The following ZNF180 variants were observed in gnomAD, a reference collection of about 807,000 sequenced individuals.
ZNF180 encodes the protein zinc finger protein 180.
Under a neutral mutation model 11.8 loss-of-function variants are expected in ZNF180, and 11 were observed. The observed-to-expected ratio is 0.93, with a 90% CI of 0.59 to 1.55. The LOEUF (loss-of-function observed/expected upper bound fraction) is 1.55, where lower values mean the gene tolerates loss of function less well. Among genes scored for constraint, ZNF180 ranks in the 40% most tolerant of loss-of-function variants. The pLI is 0.00. For missense variants in ZNF180, 773 were observed against 781.7 expected (o/e 0.99, Z 0.13); for synonymous variants, 287 against 257.7 (o/e 1.11, Z -1.09).
chr19:44,477,312 A>C lies in ZNF180; in HGVS notation c.1088T>G (p.Phe363Cys). 6.2e-7 allele frequency: 1 copy of C among 1,612,330 alleles called. No individual in the cohort carries two copies. Among genetic ancestry groups the C allele is most frequent in the Non-Finnish European group, 8.5e-7 (1 of 1,178,746 alleles). Residue 363 changes from phenylalanine (F) to cysteine (C), a missense_variant, in exon 5 of 5, where the codon TTC becomes TGC. By Grantham distance (205) the Phe-to-Cys change is radical (BLOSUM62 -2). Coordinates refer to ENST00000592529, the MANE Select transcript of ZNF180 (RefSeq NM_001278509.3). ...GGAAACAAGGTGCGAGCTCCGGCTGAAGGATTTTCCACATTCACTACATTC... is the reference window on the plus strand; with the variant it reads ...GGAAACAAGGTGCGAGCTCCGGCTGCAGGATTTTCCACATTCACTACATTC... ...PYECSECGKS[F>C]SRSSHLVSHQ... is the part of the protein sequence containing the mutation.
At chr19:44,479,162 A>T in intron 4 of ZNF180, 121 bp downstream of exon 4, 1 of 1,207,298 alleles carries the variant, frequency 8.3e-7, no homozygotes, top group Non-Finnish European at 1.2e-6. Flanking sequence ...AATAAAGAGC[A>T]CAAACACAAT....
Position 44,476,415 on chromosome 19 carries a change from TAG to T in ZNF180, c.1983_1984del (p.Tyr662Ter), listed in dbSNP as rs759043445. 13 of 1,581,474 alleles carry T rather than the reference TAG, an allele frequency of 8.2e-6. No homozygotes were observed. Among genetic ancestry groups the T allele is most frequent in the Admixed American group, 3.7e-5 (2 of 54,080 alleles). ...CTGATTTACAAACTAGTTACATTCA[TAG>T]AGTTTCTCTTCAGTATGAGTTGCCT... On this transcript the variant is annotated frameshift_variant, in exon 5 of 5. Coordinates refer to ENST00000592529, the MANE Select transcript of ZNF180 (RefSeq NM_001278509.3). LOFTEE classifies it high-confidence loss of function.
rs1969805935 is a variant in ZNF180 at position 44,474,487 on chromosome 19, T to C, written c.*1915A>G. ...TTTCTAGGTCTCATCATAGCTCATA[T>C]ATAACACTCAAAACATCATTAAACC... On this transcript the variant is annotated 3_prime_UTR_variant, in exon 5 of 5. Transcript: ENST00000592529. The C allele has an allele frequency of 6.6e-6, 1 of 152,330 alleles. No homozygotes were observed. Among genetic ancestry groups the C allele is most frequent in the Non-Finnish European group, 1.5e-5 (1 of 68,026 alleles). The allele number at this position is 152,330 out of a possible 1,614,324, so 9.4% of individuals were successfully genotyped here.
intron 2 of ZNF180, among the ~76,000 whole-genome samples, chr19:44,490,774 CTAT>C (rs1970430825): frequency 7.2e-5 from 11 of 152,200 alleles, no homozygotes; most frequent in Admixed American, 7.2e-4. Flanking sequence ...ACTGCTAAAA[CTAT>C]TATACTTGCA....
At chr19:44,491,468 C>A (rs191053373) in intron 2 of ZNF180, among the ~76,000 whole-genome samples, 1 of 152,220 alleles carries the variant, frequency 6.6e-6, no homozygotes, top group Non-Finnish European at 1.5e-5. Flanking sequence ...CATCTTAGCT[C>A]CCTCAGTTTC....
At chr19:44,499,543 C>A (rs1011783277) in intron 1 of ZNF180, among the ~76,000 whole-genome samples, 1 of 152,144 alleles carries the variant, frequency 6.6e-6, no homozygotes, top group African/African-American at 2.4e-5. Flanking sequence ...CTACATAGGT[C>A]CCTACTATCA....
chr19:44,498,346 C>T (rs979988300), intron 1 of ZNF180, among the ~76,000 whole-genome samples: 10 of 152,140 alleles, frequency 6.6e-5, no homozygotes, highest in African/African-American at 2.4e-4. Context: ...TGCACTCCAT[C>T]TCTCCCACTT....
chr19:44,479,358 C>G lies in ZNF180; in HGVS notation c.178G>C (p.Gly60Arg), dbSNP rs577776604. 25 of 1,613,912 alleles carry G rather than the reference C, an allele frequency of 1.5e-5. No homozygotes were observed. Among genetic ancestry groups the G allele is most frequent in the Non-Finnish European group, 2.0e-5 (24 of 1,179,896 alleles). ...GTCCTCTGAGCAGGGTTGCAAGTAC[C>G]CTGTTCCTCCCGTGTGAAGTCCACA... is the stretch of plus-strand genomic sequence containing the variant. ...VTVDFTREEQ[G>R]TCNPAQRTLD... Residue 60 changes from glycine (G) to arginine (R), a missense_variant, in exon 4 of 5, where the codon GGT becomes CGT. Transcript: ENST00000592529.
rs568040775 is a variant in ZNF180, at chr19:44,483,315, T to C, written c.126+1046A>G. On this transcript the variant is annotated intron_variant, in intron 3 of 4. Transcript: ENST00000592529. ...GTATTTTTAAATTCTCTTTCAAGTA[T>C]TCCCTTGACCTTTGGAGTGTCCACT... is the stretch of plus-strand genomic sequence containing the variant. Among the ~76,000 whole-genome samples the C allele has an allele frequency of 3.9e-5, 6 of 152,334 alleles. 1 individual carries two copies. Among genetic ancestry groups the C allele is most frequent in the African/African-American group, 1.2e-4 (5 of 41,578 alleles).
At chr19:44,490,039 AG>A (rs1970400175) in intron 2 of ZNF180, among the ~76,000 whole-genome samples, 18 of 111,248 alleles carry the variant, frequency 1.6e-4, no homozygotes, top group Non-Finnish European at 3.2e-4. Flanking sequence ...GGAAAGAAAG[AG>A]GGAAGGGAAG....
chr19:44,482,259 G>A (rs1970101445), intron 3 of ZNF180, among the ~76,000 whole-genome samples: 2 of 152,166 alleles, frequency 1.3e-5, no homozygotes, highest in Admixed American at 1.3e-4. Context: ...AGTGAGCCAT[G>A]ATCACACCAT....
rs755992089 is a variant in ZNF180 at position 44,500,510 on chromosome 19, T to C, written c.-279A>G. On this transcript the variant is annotated 5_prime_UTR_variant, in exon 1 of 5. Transcript: ENST00000592529. ...CAGCAAGCGTCCGCGCGCGGGACAA[T>C]GGCTGCTCTTGTGGCCGAACCCGGA... is the stretch of plus-strand genomic sequence containing the variant. 7.6e-5 allele frequency: 40 copies of C among 525,390 alleles called. No individual in the cohort carries two copies. The highest frequency in any genetic ancestry group is 1.1e-4 in the Non-Finnish European group (33 of 295,584). 32.5% of individuals were successfully genotyped at this position (525,390 alleles called of 1,614,324 possible). A position where few individuals can be genotyped will look rare whatever the true frequency, so the allele number is the denominator to read the frequency against.
intron 2 of ZNF180, among the ~76,000 whole-genome samples, chr19:44,491,495 T>G (rs1157196494): frequency 6.6e-6 from 1 of 152,278 alleles, no homozygotes; most frequent in African/African-American, 2.4e-5. Context: ...ATAATGTCAA[T>G]GTAATCTATC....
intron 3 of ZNF180, among the ~76,000 whole-genome samples, chr19:44,482,046 C>T (rs935839355): frequency 1.3e-5 from 2 of 152,342 alleles, no homozygotes; most frequent in South Asian, 2.1e-4. Context: ...CGGCTCATGC[C>T]TATAATCCCA....
chr19:44,482,985 C>T (rs542757311), intron 3 of ZNF180, among the ~76,000 whole-genome samples: 29 of 152,230 alleles, frequency 1.9e-4, no homozygotes, highest in Non-Finnish European at 3.7e-4. Flanking sequence ...TGCTCTTCAT[C>T]AGCTCATTCT....
rs771324864 is a variant in ZNF180, at chr19:44,497,306, T to G, written c.29A>C (p.Glu10Ala). The G allele has an allele frequency of 5.0e-6, 8 of 1,595,296 alleles. No individual in the cohort carries two copies. The South Asian group carries it at 9.0e-5, about 18-fold the overall frequency. The change falls in exon 2 of 5, where the codon GAG becomes GCG. Residue 10 changes from glutamate (E) to alanine (A), a missense_variant. By Grantham distance (107) the Glu-to-Ala change is moderately radical. Transcript: ENST00000592529. ...CACCTGTGCACAGACCTTCGGGGGC[T>G]CTGGGGGCTTCTCATCCTGCTCTTC... Reference protein sequence around the residue: MEEQDEKPPEPPKVCAQDSF... With the variant: MEEQDEKPPAPPKVCAQDSF...
intron 2 of ZNF180, among the ~76,000 whole-genome samples, chr19:44,492,641 C>CT (rs774256120): frequency 6.9e-4 from 101 of 147,370 alleles, no homozygotes; most frequent in Admixed American, 3.9e-3. Flanking sequence ...AGACCTAGGG[C>CT]TAGGGCTATT....
chr19:44,488,390 G>C (rs1027293283), intron 2 of ZNF180, among the ~76,000 whole-genome samples: 1 of 151,920 alleles, frequency 6.6e-6, no homozygotes, highest in Non-Finnish European at 1.5e-5. Context: ...TCAGCCTGCC[G>C]AGTGCCCGCG....
At position 44,476,326 on chromosome 19, in the gene ZNF180, A is replaced by AACT; in HGVS notation, c.*73_*75dup. ...ATATTGTTTTTATAGTAGTTCTTCCAACTACATGTACTACCTTAAAATAAA... is the reference window on the plus strand; with the variant it reads ...ATATTGTTTTTATAGTAGTTCTTCCAACTACTACATGTACTACCTTAAAATAAA... On this transcript the variant is annotated 3_prime_UTR_variant, in exon 5 of 5. Coordinates refer to ENST00000592529, the MANE Select transcript of ZNF180 (RefSeq NM_001278509.3). 7.3e-7 allele frequency: 1 copy of AACT among 1,364,738 alleles called. No individual in the cohort carries two copies. The highest frequency in any genetic ancestry group is 9.8e-7 in the Non-Finnish European group (1 of 1,015,760). The allele number at this position is 1,364,738 out of a possible 1,614,324, so 84.5% of individuals were successfully genotyped here. A position where few individuals can be genotyped will look rare whatever the true frequency, so the allele number is the denominator to read the frequency against.
Sources: gnomAD v4.1 joint callset for allele counts (sites outside exome capture counted in the v4.1 genomes callset) on GRCh38, gnomAD v4.1.1 for gene constraint, MANE v1.5 for transcripts, NCBI Gene and HGNC (gene_info 2026-07-23, HGNC 2026-07-21) for gene names.